The following ROBO1 variants were observed in gnomAD, a reference collection of about 807,000 sequenced individuals.
ROBO1 encodes roundabout homolog 1.
Under a neutral mutation model 195.9 loss-of-function variants are expected in ROBO1, and 149 were observed. That is an observed-to-expected ratio of 0.76 (90% confidence interval 0.67 to 0.87). ROBO1 has a LOEUF of 0.87. Ranked by LOEUF, ROBO1 falls within the 40% of genes least tolerant of loss-of-function variation. The pLI is 0.00. For missense variants in ROBO1, 1,933 were observed against 2,068.3 expected, an observed-to-expected ratio of 0.93 and a Z score of 1.27; for synonymous variants, 816 against 733.2, an observed-to-expected ratio of 1.11 and a Z score of -1.82.
rs142904626 is a variant in ROBO1, at chr3:78,821,194, C to T, written c.500-74294G>A. On this transcript the variant is annotated intron_variant, in intron 4 of 30. Coordinates refer to ENST00000464233, the MANE Select transcript of ROBO1 (RefSeq NM_002941.4). ...TTTTTTTTTTTTTTTGAGACAGAGT[C>T]TTACTCTGTCACCCAGGCTGGAGTA... Among the ~76,000 whole-genome samples, 322 of 121,348 alleles carry T rather than the reference C, an allele frequency of 2.7e-3. 11 individuals are homozygous for T. In the East Asian group the frequency reaches 0.072, roughly 27 times the overall value. 79.6% of individuals were successfully genotyped at this position (121,348 alleles called of 152,430 possible).
intron 2 of ROBO1, among the ~76,000 whole-genome samples, chr3:79,423,835 G>A (rs1049933361): frequency 7.9e-5 from 12 of 152,036 alleles, no homozygotes; most frequent in Admixed American, 5.3e-4. Flanking sequence ...ACTGCGGGTA[G>A]GACTGAAAAG....
chr3:79,027,350 A>T (rs1482127154), intron 3 of ROBO1, among the ~76,000 whole-genome samples: 1 of 152,112 alleles, frequency 6.6e-6, no homozygotes, highest in African/African-American at 2.4e-5. Context: ...AATACTAAAG[A>T]ATTCATTAAA....
At chr3:78,990,630 T>G (rs1034390034) in intron 3 of ROBO1, among the ~76,000 whole-genome samples, 1 of 152,170 alleles carries the variant, frequency 6.6e-6, no homozygotes, top group African/African-American at 2.4e-5. Context: ...AATCTACGTT[T>G]AGTTCACTCT....
At chr3:79,412,874 ATTT>A (rs1167482550) in intron 2 of ROBO1, among the ~76,000 whole-genome samples, 52 of 38,314 alleles carry the variant, frequency 1.4e-3, no homozygotes, top group African/African-American at 6.4e-3. Flanking sequence ...TCATGAGCTG[ATTT>A]TTTTTTTTTT....
At chr3:79,476,082 T>C (rs1938532184) in intron 2 of ROBO1, among the ~76,000 whole-genome samples, 1 of 152,016 alleles carries the variant, frequency 6.6e-6, no homozygotes, top group Non-Finnish European at 1.5e-5. Context: ...AAAAGTGGAC[T>C]AAGGACATGT....
intron 2 of ROBO1, among the ~76,000 whole-genome samples, chr3:79,373,704 TG>T (rs2036283665): frequency 6.6e-6 from 1 of 152,248 alleles, no homozygotes; most frequent in South Asian, 2.1e-4. Context: ...GTGAATTTAT[TG>T]TGTGCAATTT....
intron 2 of ROBO1, among the ~76,000 whole-genome samples, chr3:79,342,414 C>T (rs1015327326): frequency 6.6e-6 from 1 of 152,196 alleles, no homozygotes; most frequent in Admixed American, 6.5e-5. Flanking sequence ...TGTCAGACAT[C>T]ATAAAGAAAA....
chr3:79,169,209 T>C (rs2081124823), intron 2 of ROBO1, among the ~76,000 whole-genome samples: 1 of 152,286 alleles, frequency 6.6e-6, no homozygotes, highest in East Asian at 1.9e-4. Flanking sequence ...TTCAAGATCT[T>C]GACATATAAT....
chr3:78,967,322 T>TCCCCAC (rs1480395853), intron 3 of ROBO1, among the ~76,000 whole-genome samples: 2 of 104,506 alleles, frequency 1.9e-5, no homozygotes, highest in African/African-American at 7.3e-5. Flanking sequence ...CTTTCCCACC[T>TCCCCAC]CCCCACCCCC....
chr3:78,891,698 C>T (rs1029039540), intron 4 of ROBO1, among the ~76,000 whole-genome samples: 1 of 152,072 alleles, frequency 6.6e-6, no homozygotes, highest in Non-Finnish European at 1.5e-5. Context: ...AGTGTCCGTT[C>T]GTACAAGAAT....
chr3:79,646,236 A>T (rs191612270), intron 1 of ROBO1, among the ~76,000 whole-genome samples: 7 of 152,308 alleles, frequency 4.6e-5, no homozygotes, highest in African/African-American at 1.7e-4. Context: ...ATTTGATTAA[A>T]AAAATGGACA....
intron 4 of ROBO1, among the ~76,000 whole-genome samples, chr3:78,792,320 G>C (rs193269974): frequency 6.6e-6 from 1 of 152,310 alleles, no homozygotes; most frequent in East Asian, 1.9e-4. Flanking sequence ...TCTGGAATGT[G>C]CTTCTTTGTT....
chr3:78,788,819 TAATC>T (rs141454903), intron 4 of ROBO1, among the ~76,000 whole-genome samples: 37,589 of 151,812 alleles, frequency 0.25, 4,760 homozygotes, highest in Non-Finnish European at 0.27. Context: ...ATATCAAAAT[TAATC>T]AATAAATTAG....
intron 23 of ROBO1, 50 bp downstream of exon 23, chr3:78,635,723 G>A: frequency 1.4e-6 from 2 of 1,480,176 alleles, no homozygotes; most frequent in Non-Finnish European, 1.9e-6. Context: ...TAGTCGAGGT[G>A]CTGAGAGTAT....
intron 3 of ROBO1, among the ~76,000 whole-genome samples, chr3:79,106,410 C>T (rs771477199): frequency 3.3e-5 from 5 of 151,470 alleles, no homozygotes; most frequent in Non-Finnish European, 5.9e-5. Context: ...AATGGTTTCT[C>T]TTTCAGAACA....
rs757946531 is a variant in ROBO1, at chr3:79,151,771, C to T, written c.89-26232G>A. On this transcript the variant is annotated intron_variant, in intron 2 of 30. Transcript: ENST00000464233. ...CTGGTTTTTCTCTTCAAATTATAGG[C>T]CAAGCTCATCCTTGTCTCTGCAAAT... Among the ~76,000 whole-genome samples, 5 of 151,866 alleles carry T rather than the reference C, an allele frequency of 3.3e-5. No individual in the cohort carries two copies. The East Asian group carries it at 7.8e-4, about 24-fold the overall frequency.
chr3:79,170,515 G>A (rs368137863), intron 2 of ROBO1, among the ~76,000 whole-genome samples: 3 of 152,152 alleles, frequency 2.0e-5, no homozygotes, highest in South Asian at 2.1e-4. Context: ...TATGTGAAAT[G>A]TTCAAATAGC....
chr3:79,232,974 T>A (rs2082346694), intron 2 of ROBO1, among the ~76,000 whole-genome samples: 1 of 152,066 alleles, frequency 6.6e-6, no homozygotes. Context: ...TTATAAGGAA[T>A]AGCCTGTTAT....
chr3:78,689,729 A>G (rs2081130086), intron 8 of ROBO1, among the ~76,000 whole-genome samples: 1 of 152,006 alleles, frequency 6.6e-6, no homozygotes, highest in Non-Finnish European at 1.5e-5. Context: ...TCTACAGGAC[A>G]GGGTTTGTCT....
Sources: allele counts gnomAD v4.1 joint callset (sites outside exome capture counted in the v4.1 genomes callset), GRCh38; gene constraint gnomAD v4.1.1; transcripts MANE v1.5; gene names NCBI Gene and HGNC (gene_info 2026-07-23, HGNC 2026-07-21).